Variants in BBS5 observed in about 807,000 individuals in gnomAD.
The protein encoded by BBS5 is BBSome complex member BBS5.
In BBS5, 39 loss-of-function variants were observed where a neutral mutation model predicts 50.2. The observed-to-expected ratio is 0.78, with a 90% CI of 0.60 to 1.01. The LOEUF is 1.01. Ranked by LOEUF, BBS5 falls within the 50% of genes least tolerant of loss-of-function variation. The pLI is 0.00. For missense variants in BBS5, 356 were observed against 401.5 expected (o/e 0.89, Z 0.97); for synonymous variants, 134 against 133.1 (o/e 1.01, Z -0.05).
intron 8 of BBS5, among the ~76,000 whole-genome samples, chr2:169,498,668 G>A (rs1226911636): frequency 6.6e-6 from 1 of 151,982 alleles, no homozygotes; most frequent in Non-Finnish European, 1.5e-5. Context: ...AGCCGGGCGT[G>A]GTGGCGGGCA....
intron 5 of BBS5, among the ~76,000 whole-genome samples, chr2:169,490,534 T>A (rs1308528559): frequency 6.6e-6 from 1 of 152,186 alleles, no homozygotes; most frequent in Non-Finnish European, 1.5e-5. Context: ...AATTTCTTAA[T>A]TATACCCTTA....
In BBS5 at chr2:169,482,279, C is replaced by T. The variant is rs775539949; in HGVS notation, c.88C>T (p.Leu30Phe). The T allele has an allele frequency of 5.0e-6, 8 of 1,610,510 alleles. No individual in the cohort carries two copies. Among genetic ancestry groups the T allele is most frequent in the East Asian group, 2.2e-5 (1 of 44,790 alleles). ...AATGAAAACAAGACCTGGAGAAGTC[C>T]TTATTGATTGTTTAGATTCCATTGA... ...QQMKTRPGEV[L>F]IDCLDSIEDT... The change falls in exon 2 of 12, where the codon CTT becomes TTT. Residue 30 changes from leucine to phenylalanine, a missense_variant. Physicochemically the swap from Leu to Phe is conservative, Grantham distance 22 (BLOSUM62 0). Transcript: ENST00000295240.
rs1173140341 is a variant in BBS5 at position 169,504,679 on chromosome 2, GC to G, written c.*98del. 1.7e-6 allele frequency: 2 copies of G among 1,178,980 alleles called. No homozygotes were observed. Among genetic ancestry groups the G allele is most frequent in the Non-Finnish European group, 2.5e-6 (2 of 804,452 alleles). The allele number at this position is 1,178,980 out of a possible 1,614,324, so 73.0% of individuals were successfully genotyped here. Reference sequence around the variant, plus strand: ...TCATGGAATAGTTTTTATATTTACAGCTTTTATATTTAAAACTTGTAAGAGT... The same window carrying G: ...TCATGGAATAGTTTTTATATTTACAGTTTTATATTTAAAACTTGTAAGAGT... On this transcript the variant is annotated 3_prime_UTR_variant, in exon 12 of 12. Coordinates refer to ENST00000295240, the MANE Select transcript of BBS5 (RefSeq NM_152384.3).
Position 169,504,319 on chromosome 2 carries a change from G to T in BBS5, c.917G>T (p.Gly306Val), listed in dbSNP as rs1375496869. The change falls in exon 11 of 12, where the codon GGC becomes GTC. Residue 306 changes from glycine to valine, a missense_variant. Gly to Val is a moderately radical substitution (Grantham distance 109). Transcript: ENST00000295240. ...GTCTTACAGGCTTATTTTGCTGATG[G>T]CAATAAGGTAAGGACATTTATTTTA... ...TDAFVAYFAD[G>V]NKQQDREPVF... is the part of the protein sequence containing the mutation. 4 of 1,612,780 alleles carry T rather than the reference G, an allele frequency of 2.5e-6. No homozygotes were observed. Among genetic ancestry groups the T allele is most frequent in the Non-Finnish European group, 3.4e-6 (4 of 1,178,970 alleles).
intron 5 of BBS5, among the ~76,000 whole-genome samples, chr2:169,492,099 G>A (rs1683611203): frequency 6.6e-6 from 1 of 151,860 alleles, no homozygotes; most frequent in Non-Finnish European, 1.5e-5. Flanking sequence ...GCCCGGCCGA[G>A]AAAAAGTATT....
chr2:169,502,797 AAAT>A (rs1276583840), intron 9 of BBS5, among the ~76,000 whole-genome samples: 2 of 152,212 alleles, frequency 1.3e-5, no homozygotes, highest in Non-Finnish European at 2.9e-5. Flanking sequence ...TAGTTTTTCT[AAAT>A]AATGTGAAAG....
rs370695574 is a variant in BBS5 at position 169,488,140 on chromosome 2, G to T, written c.386+26G>T. On this transcript the variant is annotated intron_variant, in intron 5 of 11. Coordinates refer to ENST00000295240, the MANE Select transcript of BBS5 (RefSeq NM_152384.3). The stretch of plus-strand genomic sequence containing the variant: ...GTATAGTAATACTTTATGGATTATT[G>T]AATATTTTTTGTTTACTCTATGGTT... The T allele has an allele frequency of 5.0e-6, 8 of 1,609,202 alleles. No homozygotes were observed. In the African/African-American group the frequency reaches 6.7e-5, roughly 13 times the overall value.
At position 169,488,078 on chromosome 2, in the gene BBS5, G is replaced by A; in HGVS notation, c.350G>A (p.Ser117Asn). The A allele has an allele frequency of 6.2e-7, 1 of 1,613,474 alleles. No homozygotes were observed. The highest frequency in any genetic ancestry group is 8.5e-7 in the Non-Finnish European group (1 of 1,179,546). The change falls in exon 5 of 12, where the codon AGC (serine) becomes AAC (asparagine). Residue 117 changes from serine (S) to asparagine (N), a missense_variant. Physicochemically the swap from Ser to Asn is conservative, Grantham distance 46 (BLOSUM62 1). Coordinates refer to ENST00000295240, the MANE Select transcript of BBS5 (RefSeq NM_152384.3). ...ATATTTACAAATTTGGTTCCTGGAA[G>A]CCCTAGACTTTTTACTTCTGTGATG... is the stretch of plus-strand genomic sequence containing the variant. Reference protein sequence around the residue: ...EFIFTNLVPGSPRLFTSVMAV... With the variant: ...EFIFTNLVPGNPRLFTSVMAV...
chr2:169,479,726 G>A, intron 1 of BBS5, 114 bp downstream of exon 1: 1 of 1,215,170 alleles, frequency 8.2e-7, no homozygotes, highest in South Asian at 1.3e-5. Flanking sequence ...TGGTGAGGGT[G>A]GGAGGCTTGC....
At chr2:169,493,170 C>T (rs1683632254) in intron 6 of BBS5, 161 bp downstream of exon 6, 2 of 802,626 alleles carry the variant, frequency 2.5e-6, no homozygotes, top group African/African-American at 3.5e-5. Flanking sequence ...GATAACATCC[C>T]TATTTTCTTT....
At chr2:169,487,879 A>AAC in intron 4 of BBS5, 24 bp downstream of exon 4, 1 of 1,577,042 alleles carries the variant, frequency 6.3e-7, no homozygotes, top group Non-Finnish European at 8.7e-7. Context: ...ATCTTATTGC[A>AAC]ATATATATAT....
At chr2:169,489,612 G>A (rs1478619264) in intron 5 of BBS5, among the ~76,000 whole-genome samples, 1 of 150,400 alleles carries the variant, frequency 6.6e-6, no homozygotes, top group Non-Finnish European at 1.5e-5. Flanking sequence ...AGGCTGTTTT[G>A]TTTTTATATT....
chr2:169,501,591 T>C (rs1683802519), intron 9 of BBS5, among the ~76,000 whole-genome samples: 1 of 151,980 alleles, frequency 6.6e-6, no homozygotes, highest in Admixed American at 6.6e-5. Context: ...TTTTTAAATT[T>C]TAAAAACCAG....
rs531965734 is a variant in BBS5 at position 169,506,166 on chromosome 2, C to G, written c.*1584C>G. On this transcript the variant is annotated 3_prime_UTR_variant, in exon 12 of 12. Coordinates refer to ENST00000295240, the MANE Select transcript of BBS5 (RefSeq NM_152384.3). ...CCCCCGCCCGGCCAGCCGCCCGGTC[C>G]GGGAGGGAGGTGGGGGGGTCAGCCC... 6.6e-6 allele frequency: 1 copy of G among 150,674 alleles called. No individual in the cohort carries two copies. The highest frequency in any genetic ancestry group is 2.5e-5 in the African/African-American group (1 of 39,966). 9.3% of individuals were successfully genotyped at this position (150,674 alleles called of 1,614,324 possible). A position where few individuals can be genotyped will look rare whatever the true frequency, so the allele number is the denominator to read the frequency against.
At chr2:169,479,708 C>G in intron 1 of BBS5, 96 bp downstream of exon 1, 1 of 1,374,028 alleles carries the variant, frequency 7.3e-7, no homozygotes, top group South Asian at 1.2e-5. Flanking sequence ...CTCCGCAGCT[C>G]GCGGCCCTGG....
intron 6 of BBS5, among the ~76,000 whole-genome samples, chr2:169,493,440 A>G (rs78198178): frequency 0.047 from 7,137 of 152,314 alleles, 190 homozygotes; most frequent in East Asian, 0.1. Flanking sequence ...GCACTGTGTT[A>G]GGATTGATTT....
intron 7 of BBS5, among the ~76,000 whole-genome samples, chr2:169,496,027 A>G (rs1191527931): frequency 1.3e-5 from 2 of 152,170 alleles, no homozygotes; most frequent in African/African-American, 4.8e-5. Context: ...TTTTCGTAAC[A>G]ATTATCATCA....
chr2:169,499,259 C>T, intron 8 of BBS5: 1 of 493,410 alleles, frequency 2.0e-6, no homozygotes, highest in South Asian at 2.2e-5. Flanking sequence ...CAGGGTTGTC[C>T]ACATGTTGCT....
At chr2:169,483,246 T>C (rs1298548490) in intron 2 of BBS5, among the ~76,000 whole-genome samples, 1 of 152,194 alleles carries the variant, frequency 6.6e-6, no homozygotes, top group Non-Finnish European at 1.5e-5. Context: ...TGAGGTGGCA[T>C]GTAGGCAGCA....
Sources: gnomAD v4.1 joint callset for allele counts (sites outside exome capture counted in the v4.1 genomes callset) on GRCh38, gnomAD v4.1.1 for gene constraint, MANE v1.5 for transcripts, NCBI Gene and HGNC (gene_info 2026-07-23, HGNC 2026-07-21) for gene names.